The following KIF13A variants were observed in gnomAD, a reference collection of about 807,000 sequenced individuals.
The protein encoded by KIF13A is kinesin-like protein KIF13A.
KIF13A carries 79 observed loss-of-function variants against 212.2 expected under a neutral mutation model. The observed-to-expected ratio is 0.37, with a 90% confidence interval of 0.31 to 0.45. The LOEUF is 0.45. Among genes scored for constraint, KIF13A ranks in the 20% least tolerant of loss-of-function variants. KIF13A has a pLI of 1.00. For missense variants in KIF13A, 1,901 were observed against 2,209.0 expected (o/e 0.86, Z 2.79); for synonymous variants, 789 against 808.6 (o/e 0.98, Z 0.41).
Position 17,834,939 on chromosome 6 carries a change from C to T in KIF13A, c.1156-868G>A, listed in dbSNP as rs536273641. On this transcript the variant is annotated intron_variant, in intron 11 of 38. Coordinates refer to ENST00000259711, the MANE Select transcript of KIF13A (RefSeq NM_022113.6). The surrounding 1 kb of genome is among the most constrained non-coding windows in gnomAD (Gnocchi z 4.0). ...CCAGGCCAATGGCTCCTGCCTGTAA[C>T]CCCAACAGTTTGGGAGGCTGAGGTG... Among the ~76,000 whole-genome samples, 13 of 152,018 alleles carry T rather than the reference C, an allele frequency of 8.6e-5. No individual in the cohort carries two copies. The East Asian group carries it at 2.5e-3, about 29-fold the overall frequency.
intron 2 of KIF13A, among the ~76,000 whole-genome samples, chr6:17,939,131 G>A (rs1048038707): frequency 5.1e-4 from 78 of 152,198 alleles, no homozygotes; most frequent in African/African-American, 1.8e-3. Flanking sequence ...ACTTTAGGGC[G>A]CTTTCCGCCC....
chr6:17,873,591 A>C (rs1352350195), intron 3 of KIF13A, 154 bp from the exon 4 acceptor site: 1 of 611,310 alleles, frequency 1.6e-6, no homozygotes, highest in Non-Finnish European at 2.8e-6. Flanking sequence ...TTAACCATAA[A>C]ATTTCTTATT....
intron 2 of KIF13A, among the ~76,000 whole-genome samples, chr6:17,937,190 C>G (rs904153063): frequency 6.6e-6 from 1 of 152,152 alleles, no homozygotes; most frequent in East Asian, 1.9e-4. Context: ...CATATATACA[C>G]ATACATACAT....
rs1777546565 is a variant in KIF13A, at chr6:17,947,919, A to G, written c.146+39135T>C. Among the ~76,000 whole-genome samples, 1 of 152,224 alleles carries G rather than the reference A, an allele frequency of 6.6e-6. No individual in the cohort carries two copies. Among genetic ancestry groups the G allele is most frequent in the South Asian group, 2.1e-4 (1 of 4,834 alleles). On this transcript the variant is annotated intron_variant, in intron 2 of 38. Coordinates refer to ENST00000259711, the MANE Select transcript of KIF13A (RefSeq NM_022113.6). The surrounding 1 kb of genome is among the most constrained non-coding windows in gnomAD (Gnocchi z 4.6). The stretch of plus-strand genomic sequence containing the variant: ...ATTTCACCTACTCTCAAAGAGTTCA[A>G]AAAATAAATTATATTTTTTCCACAA...
At chr6:17,793,721 T>C (rs1761801386) in intron 25 of KIF13A, among the ~76,000 whole-genome samples, 1 of 150,544 alleles carries the variant, frequency 6.6e-6, no homozygotes, top group African/African-American at 2.5e-5. Context: ...GAGACCAGTG[T>C]GGGCAACAGA....
Position 17,914,720 on chromosome 6 carries a change from C to T in KIF13A, c.147-16540G>A, listed in dbSNP as rs1283903548. On this transcript the variant is annotated intron_variant, in intron 2 of 38. Transcript: ENST00000259711. The surrounding 1 kb of genome is among the most constrained non-coding windows in gnomAD (Gnocchi z 5.9). The stretch of plus-strand genomic sequence containing the variant: ...GTGTTCTCCAGGCCACCTCACAGAG[C>T]TCCTGCTGCTAATTGCCATGGCTGC... Among the ~76,000 whole-genome samples, 1 of 152,158 alleles carries T rather than the reference C, an allele frequency of 6.6e-6. No homozygotes were observed. The highest frequency in any genetic ancestry group is 2.4e-5 in the African/African-American group (1 of 41,432).
chr6:17,908,880 G>C (rs1321821633), intron 2 of KIF13A, among the ~76,000 whole-genome samples: 1 of 152,200 alleles, frequency 6.6e-6, no homozygotes, highest in African/African-American at 2.4e-5. Flanking sequence ...ATGAAGCACA[G>C]TGGTGAGGAG....
intron 2 of KIF13A, among the ~76,000 whole-genome samples, chr6:17,956,733 C>A (rs549925748): frequency 8.3e-4 from 125 of 150,380 alleles, no homozygotes; most frequent in African/African-American, 2.9e-3. Flanking sequence ...GGCTGTGGGT[C>A]AAAAAAAAAT....
Position 17,772,080 on chromosome 6 carries a change from T to C in KIF13A, c.4325-21A>G, listed in dbSNP as rs767041123. On this transcript the variant is annotated intron_variant, in intron 36 of 38. Coordinates refer to ENST00000259711, the MANE Select transcript of KIF13A (RefSeq NM_022113.6). This position sits in a 1 kb window ranked among gnomAD's most constrained non-coding sequence, Gnocchi z 4.8. The stretch of plus-strand genomic sequence containing the variant: ...ACAACCTAGGGAAGATGAGAAGTTA[T>C]GAGGTTACAGATGCTGAACACTTTA... The C allele has an allele frequency of 5.0e-6, 8 of 1,612,776 alleles. No homozygotes were observed. The highest frequency in any genetic ancestry group is 1.7e-5 in the Admixed American group (1 of 59,920).
chr6:17,890,604 C>G (rs545491988), intron 3 of KIF13A, among the ~76,000 whole-genome samples: 3 of 151,584 alleles, frequency 2.0e-5, no homozygotes, highest in African/African-American at 7.2e-5. Flanking sequence ...GCTAAACTAA[C>G]AAGCACTTTC....
In KIF13A at chr6:17,817,050, T is replaced by C. The variant is rs1227791929; in HGVS notation, c.1970A>G (p.Gln657Arg). ...TTCTGCCCACTGGGTCACCTTCTGC[T>C]GCGCTGTCTGGCTGCTGTAGGCCAG... Reference protein sequence around the residue: ...DRLAYSSQTAQQKVTQWAEER... With the variant: ...DRLAYSSQTARQKVTQWAEER... Residue 657 changes from glutamine (Q) to arginine (R), a missense_variant, in exon 17 of 39, where the codon CAG becomes CGG. By Grantham distance (43) the Gln-to-Arg change is conservative. Coordinates refer to ENST00000259711, the MANE Select transcript of KIF13A (RefSeq NM_022113.6). 3 of 1,612,948 alleles carry C rather than the reference T, an allele frequency of 1.9e-6. No homozygotes were observed. Among genetic ancestry groups the C allele is most frequent in the Admixed American group, 1.7e-5 (1 of 59,964 alleles).
chr6:17,818,765 GT>G (rs146384929), intron 16 of KIF13A, among the ~76,000 whole-genome samples: 3,941 of 152,228 alleles, frequency 0.026, 74 homozygotes, highest in Non-Finnish European at 0.04. Flanking sequence ...ACAGGGTCAG[GT>G]TTTTAACTCA....
Position 17,794,748 on chromosome 6 carries a change from G to T in KIF13A, c.2943-44C>A. 1 of 1,581,326 alleles carries T rather than the reference G, an allele frequency of 6.3e-7. No individual in the cohort carries two copies. The highest frequency in any genetic ancestry group is 8.6e-7 in the Non-Finnish European group (1 of 1,167,334). On this transcript the variant is annotated intron_variant, in intron 23 of 38. Transcript: ENST00000259711. This position sits in a 1 kb window ranked among gnomAD's most constrained non-coding sequence, Gnocchi z 4.1. Reference sequence around the variant, plus strand: ...ACAAGCAAGAGCGTCATCGTCCAGGGATACTGTTAGTAATAGTAATAAGCC... The same window carrying T: ...ACAAGCAAGAGCGTCATCGTCCAGGTATACTGTTAGTAATAGTAATAAGCC...
chr6:17,785,753 A>AAC lies in KIF13A; in HGVS notation c.3362-113_3362-112insGT. On this transcript the variant is annotated intron_variant, in intron 27 of 38. Transcript: ENST00000259711. This position sits in a 1 kb window ranked among gnomAD's most constrained non-coding sequence, Gnocchi z 5.8. The stretch of plus-strand genomic sequence containing the variant: ...CATAGTGAGACCCCATCTCTACCAA[A>AAC]AAAAAAAAAATAGTTGGGCAGGGTG... The AAC allele has an allele frequency of 9.1e-7, 1 of 1,094,814 alleles. No homozygotes were observed. Among genetic ancestry groups the AAC allele is most frequent in the Non-Finnish European group, 1.3e-6 (1 of 760,962 alleles). 67.8% of individuals were successfully genotyped at this position (1,094,814 alleles called of 1,614,324 possible). A position where few individuals can be genotyped will look rare whatever the true frequency, so the allele number is the denominator to read the frequency against.
intron 16 of KIF13A, among the ~76,000 whole-genome samples, chr6:17,822,530 T>C (rs1192359466): frequency 6.6e-6 from 1 of 152,194 alleles, no homozygotes; most frequent in Non-Finnish European, 1.5e-5. Context: ...AGTTAATTTA[T>C]ATATAAGAAG....
At chr6:17,979,177 C>A (rs1194358104) in intron 2 of KIF13A, among the ~76,000 whole-genome samples, 1 of 152,080 alleles carries the variant, frequency 6.6e-6, no homozygotes, top group Admixed American at 6.6e-5. Context: ...CCTGTAGTCC[C>A]AGCTACTTGG....
chr6:17,863,471 C>G (rs1480888472), intron 4 of KIF13A, among the ~76,000 whole-genome samples: 1 of 151,540 alleles, frequency 6.6e-6, no homozygotes, highest in Non-Finnish European at 1.5e-5. Flanking sequence ...TTCTAGAGTT[C>G]CCCTTATTCT....
At chr6:17,851,065 G>A (rs1236855081) in intron 7 of KIF13A, among the ~76,000 whole-genome samples, 2 of 152,188 alleles carry the variant, frequency 1.3e-5, no homozygotes, top group Admixed American at 1.3e-4. Context: ...GCTCCTACTA[G>A]TAAGTGACAG....
Position 17,849,546 on chromosome 6 carries a change from A to G in KIF13A, c.718-57T>C. On this transcript the variant is annotated intron_variant, in intron 8 of 38. Transcript: ENST00000259711. The surrounding 1 kb of genome is among the most constrained non-coding windows in gnomAD (Gnocchi z 5.7). Reference sequence around the variant, plus strand: ...ACTTATCAATAAAAACCACATGGATATCTACATATATGTTAGCACTATAAT... The same window carrying G: ...ACTTATCAATAAAAACCACATGGATGTCTACATATATGTTAGCACTATAAT... 8.3e-7 allele frequency: 1 copy of G among 1,198,894 alleles called. No homozygotes were observed. The highest frequency in any genetic ancestry group is 1.2e-6 in the Non-Finnish European group (1 of 821,396). 74.3% of individuals were successfully genotyped at this position (1,198,894 alleles called of 1,614,324 possible).
Sources: gnomAD v4.1 joint callset for allele counts (sites outside exome capture counted in the v4.1 genomes callset) on GRCh38, gnomAD v4.1.1 for gene constraint, Gnocchi (gnomAD v3.1) non-coding constraint, MANE v1.5 for transcripts, NCBI Gene and HGNC (gene_info 2026-07-23, HGNC 2026-07-21) for gene names.